CDH18: variants seen among roughly 807,000 people sequenced by gnomAD.
CDH18 encodes the protein cadherin-18.
In CDH18, 31 loss-of-function variants were observed where a neutral mutation model predicts 67.9. The ratio of observed to expected loss-of-function variants is 0.46; its 90% confidence interval spans 0.34 to 0.62. The LOEUF (loss-of-function observed/expected upper bound fraction) is 0.62, where lower values mean the gene tolerates loss of function less well. Among genes scored for constraint, CDH18 ranks in the 20% least tolerant of loss-of-function variants. The probability of loss-of-function intolerance (pLI) is 0.01; values close to 1 mark genes in which losing one functional copy is unlikely to be tolerated. For missense variants in CDH18, 890 were observed against 975.5 expected (o/e 0.91, Z 1.17); for synonymous variants, 362 against 347.2 (o/e 1.04, Z -0.48).
At chr5:19,617,837 A>C (rs1447567124) in intron 5 of CDH18, among the ~76,000 whole-genome samples, 1 of 152,220 alleles carries the variant, frequency 6.6e-6, no homozygotes, top group Non-Finnish European at 1.5e-5. Context: ...TCTCTGCTGT[A>C]CACAAGTTCA....
At chr5:20,360,118 G>T (rs1030411386) in intron 1 of CDH18, among the ~76,000 whole-genome samples, 1 of 36,114 alleles carries the variant, frequency 2.8e-5, no homozygotes, top group African/African-American at 6.1e-5. Flanking sequence ...TATAATATAT[G>T]TTATATATTA....
At chr5:19,605,530 T>C (rs1747893814) in intron 6 of CDH18, among the ~76,000 whole-genome samples, 1 of 152,022 alleles carries the variant, frequency 6.6e-6, no homozygotes, top group Non-Finnish European at 1.5e-5. Context: ...CTAATTATCT[T>C]CCATAATCTT....
intron 3 of CDH18, 91 bp downstream of exon 3, chr5:19,838,668 G>T: frequency 1.2e-6 from 1 of 819,464 alleles, no homozygotes; most frequent in Non-Finnish European, 2.0e-6. Context: ...TGCTTCATTT[G>T]TCTATCTCTT....
At chr5:19,707,135 A>T (rs920424317) in intron 5 of CDH18, among the ~76,000 whole-genome samples, 3 of 152,140 alleles carry the variant, frequency 2.0e-5, no homozygotes, top group African/African-American at 7.2e-5. Context: ...ACTATGAGCC[A>T]GCTACCCAGG....
chr5:19,545,041 C>G (rs1561311062), intron 8 of CDH18, among the ~76,000 whole-genome samples: 1 of 152,068 alleles, frequency 6.6e-6, no homozygotes, highest in Non-Finnish European at 1.5e-5. Flanking sequence ...TAACATGTCT[C>G]TGAATATATA....
chr5:20,229,807 G>A (rs1183201216), intron 2 of CDH18, among the ~76,000 whole-genome samples: 1 of 151,762 alleles, frequency 6.6e-6, no homozygotes, highest in Non-Finnish European at 1.5e-5. Flanking sequence ...GCCCAGATTG[G>A]GATAATTTTT....
intron 2 of CDH18, among the ~76,000 whole-genome samples, chr5:20,086,013 T>C (rs1446572201): frequency 6.6e-6 from 1 of 152,160 alleles, no homozygotes; most frequent in Non-Finnish European, 1.5e-5. Flanking sequence ...AGCTAAAAGG[T>C]AGGCTTCTTG....
chr5:20,063,341 A>G (rs1292351497), intron 2 of CDH18, among the ~76,000 whole-genome samples: 1 of 152,000 alleles, frequency 6.6e-6, no homozygotes, highest in African/African-American at 2.4e-5. Context: ...TAAATTTATT[A>G]TAAATGATTT....
chr5:20,138,822 A>T (rs1397951693), intron 2 of CDH18, among the ~76,000 whole-genome samples: 1 of 152,198 alleles, frequency 6.6e-6, no homozygotes, highest in Non-Finnish European at 1.5e-5. Flanking sequence ...AGAGGACACA[A>T]GCAAATGGAA....
At chr5:20,359,986 A>G (rs912721468) in intron 1 of CDH18, among the ~76,000 whole-genome samples, 2 of 149,312 alleles carry the variant, frequency 1.3e-5, no homozygotes, top group Non-Finnish European at 3.0e-5. Context: ...ATGCCACTTT[A>G]TCAGTAATGA....
At chr5:20,566,014 C>A (rs1010604730) in intron 1 of CDH18, among the ~76,000 whole-genome samples, 3 of 152,036 alleles carry the variant, frequency 2.0e-5, no homozygotes, top group African/African-American at 7.2e-5. Context: ...CATAAATTAA[C>A]AAAATCTTGC....
intron 1 of CDH18, among the ~76,000 whole-genome samples, chr5:20,510,859 GAAC>G (rs1247162449): frequency 6.6e-6 from 1 of 151,998 alleles, no homozygotes; most frequent in Non-Finnish European, 1.5e-5. Context: ...TGACCCAAGA[GAAC>G]AAAATAGAAA....
intron 2 of CDH18, among the ~76,000 whole-genome samples, chr5:20,151,753 T>C: frequency 6.6e-6 from 1 of 152,088 alleles, no homozygotes; most frequent in East Asian, 1.9e-4. Flanking sequence ...CTTTCAATAA[T>C]TTATGAATAG....
chr5:19,768,872 A>G, intron 3 of CDH18, among the ~76,000 whole-genome samples: 1 of 152,082 alleles, frequency 6.6e-6, no homozygotes, highest in East Asian at 1.9e-4. Flanking sequence ...CAAAATAAAC[A>G]TTATAAGACA....
chr5:19,752,255 T>A (rs887714943), intron 3 of CDH18, among the ~76,000 whole-genome samples: 1 of 152,120 alleles, frequency 6.6e-6, no homozygotes, highest in Non-Finnish European at 1.5e-5. Context: ...TACTTTCTTT[T>A]GCAACTGGGA....
chr5:19,574,631 T>C (rs865839419), intron 7 of CDH18, among the ~76,000 whole-genome samples: 6 of 152,148 alleles, frequency 3.9e-5, no homozygotes, highest in Middle Eastern at 3.2e-3. Flanking sequence ...ATTAGTATTA[T>C]AGTGATTATT....
chr5:20,087,727 C>T (rs571070268), intron 2 of CDH18, among the ~76,000 whole-genome samples: 73 of 152,300 alleles, frequency 4.8e-4, no homozygotes, highest in Non-Finnish European at 9.6e-4. Context: ...GCACTTAATA[C>T]ATTACAGTGT....
At chr5:19,529,567 TATG>T (rs936757350) in intron 9 of CDH18, among the ~76,000 whole-genome samples, 8 of 152,202 alleles carry the variant, frequency 5.3e-5, no homozygotes, top group African/African-American at 1.7e-4. Flanking sequence ...GAAGATTTAT[TATG>T]ATTATGAAGA....
chr5:20,245,861 G>A (rs561877058), intron 2 of CDH18, among the ~76,000 whole-genome samples: 1 of 152,210 alleles, frequency 6.6e-6, no homozygotes, highest in African/African-American at 2.4e-5. Context: ...TCAGAAGGGA[G>A]TAATATATAC....
Sources: gnomAD v4.1 joint callset for allele counts (sites outside exome capture counted in the v4.1 genomes callset) on GRCh38, gnomAD v4.1.1 for gene constraint, MANE v1.5 for transcripts, NCBI Gene and HGNC (gene_info 2026-07-23, HGNC 2026-07-21) for gene names.